The following SDK2 variants were observed in gnomAD, a reference collection of about 807,000 sequenced individuals.
SDK2 encodes protein sidekick-2.
Under a neutral mutation model 253.9 loss-of-function variants are expected in SDK2, and 105 were observed. The observed-to-expected ratio is 0.41, with a 90% CI of 0.35 to 0.49. The LOEUF (loss-of-function observed/expected upper bound fraction) is 0.49. SDK2 is among the 20% of genes least tolerant of loss of function. The pLI is 0.06. For missense variants in SDK2, 2,608 were observed against 3,003.0 expected, an observed-to-expected ratio of 0.87 and a Z score of 3.07; for synonymous variants, 1,249 against 1,234.9, an observed-to-expected ratio of 1.01 and a Z score of -0.24.
intron 1 of SDK2, among the ~76,000 whole-genome samples, chr17:73,615,011 G>A (rs75987429): frequency 6.6e-6 from 1 of 150,964 alleles, no homozygotes; most frequent in Non-Finnish European, 1.5e-5. Context: ...GTTTGTAAAG[G>A]CTGCTCCTAA....
chr17:73,567,244 C>T (rs1043839267), intron 1 of SDK2, among the ~76,000 whole-genome samples: 1 of 152,270 alleles, frequency 6.6e-6, no homozygotes, highest in African/African-American at 2.4e-5. Context: ...ATTCAGGGCT[C>T]CACTTCAGAG....
intron 1 of SDK2, among the ~76,000 whole-genome samples, chr17:73,588,409 A>AAAAAG (rs2045635943): frequency 6.8e-6 from 1 of 147,314 alleles, no homozygotes; most frequent in African/African-American, 2.5e-5. Flanking sequence ...AAAAAAAAAA[A>AAAAAG]AAAGAAAGAA....
Position 73,409,732 on chromosome 17 carries a change from G to A in SDK2, c.2484+4912C>T, listed in dbSNP as rs547605003. 7.8e-4 allele frequency among the ~76,000 whole-genome samples: 119 copies of A among 152,238 alleles called. 1 individual carries two copies. Among genetic ancestry groups the A allele is most frequent in the Non-Finnish European group, 5.0e-4 (34 of 68,030 alleles). On this transcript the variant is annotated intron_variant, in intron 18 of 44. Coordinates refer to ENST00000392650, the MANE Select transcript of SDK2 (RefSeq NM_001144952.2). ...TGCTTTTTTCTCCTTGTGATATGCT[G>A]AAGGCTAAAGAAGCAGAGGAAAAAA...
chr17:73,525,610 C>T (rs1166690306), intron 1 of SDK2, among the ~76,000 whole-genome samples: 1 of 152,096 alleles, frequency 6.6e-6, no homozygotes, highest in Non-Finnish European at 1.5e-5. Flanking sequence ...CCTCACTGCA[C>T]CACCACCTCC....
intron 38 of SDK2, among the ~76,000 whole-genome samples, chr17:73,364,555 A>G (rs1423956692): frequency 6.6e-6 from 1 of 152,092 alleles, no homozygotes; most frequent in East Asian, 1.9e-4. Flanking sequence ...AACCCACAGT[A>G]AAGCTGAGAA....
chr17:73,580,157 G>A (rs1331567980), intron 1 of SDK2, among the ~76,000 whole-genome samples: 4 of 152,108 alleles, frequency 2.6e-5, no homozygotes, highest in Non-Finnish European at 5.9e-5. Context: ...TTCTGTTATG[G>A]CCATCCTAGC....
intron 36 of SDK2, chr17:73,369,089 C>A (rs2062712490): frequency 2.2e-6 from 1 of 447,084 alleles, no homozygotes; most frequent in South Asian, 1.6e-5. Flanking sequence ...AGACCCTGGT[C>A]TCTGCCAGAC....
intron 1 of SDK2, among the ~76,000 whole-genome samples, chr17:73,510,075 G>A (rs1270260586): frequency 6.6e-6 from 1 of 151,832 alleles, no homozygotes; most frequent in African/African-American, 2.4e-5. Context: ...TGCACCCCAG[G>A]CTGGAGCATA....
chr17:73,353,876 G>GT (rs1031419148), intron 40 of SDK2, among the ~76,000 whole-genome samples: 20 of 149,988 alleles, frequency 1.3e-4, no homozygotes, highest in African/African-American at 4.9e-4. Flanking sequence ...GCTAAATTTT[G>GT]TATTTTTTAG....
rs886082947 is a variant in SDK2 at position 73,534,035 on chromosome 17, G to C, written c.65-26438C>G. On this transcript the variant is annotated intron_variant, in intron 1 of 44. Coordinates refer to ENST00000392650, the MANE Select transcript of SDK2 (RefSeq NM_001144952.2). The surrounding 1 kb of genome is among the most constrained non-coding windows in gnomAD (Gnocchi z 4.9). ...TGCAGCCAAGACGCCATTCTGCTCC[G>C]CCTGCTCCCTGCTCCTCCTCCTCCT... is the stretch of plus-strand genomic sequence containing the variant. Among the ~76,000 whole-genome samples, 1 of 151,960 alleles carries C rather than the reference G, an allele frequency of 6.6e-6. No homozygotes were observed. The highest frequency in any genetic ancestry group is 2.4e-5 in the African/African-American group (1 of 41,348).
In SDK2 at chr17:73,377,525, C is replaced by A. The variant is rs149346847; in HGVS notation, c.4980+1652G>T. Among the ~76,000 whole-genome samples, 11 of 151,054 alleles carry A rather than the reference C, an allele frequency of 7.3e-5. No individual in the cohort carries two copies. In the East Asian group the frequency reaches 2.2e-3, roughly 30 times the overall value. On this transcript the variant is annotated intron_variant, in intron 36 of 44. Coordinates refer to ENST00000392650, the MANE Select transcript of SDK2 (RefSeq NM_001144952.2). ...TAGGCCACCACACCTGGCCCATGTT[C>A]CTTTTTAAATCTACTTCCCCTAGTG...
At chr17:73,558,821 C>T (rs2045184666) in intron 1 of SDK2, among the ~76,000 whole-genome samples, 1 of 152,168 alleles carries the variant, frequency 6.6e-6, no homozygotes, top group South Asian at 2.1e-4. Flanking sequence ...CAACCCTCCC[C>T]CTAGATAGGA....
rs1017310342 is a variant in SDK2 at position 73,612,974 on chromosome 17, G to A, written c.64+31051C>T. On this transcript the variant is annotated intron_variant, in intron 1 of 44. Transcript: ENST00000392650. This position sits in a 1 kb window ranked among gnomAD's most constrained non-coding sequence, Gnocchi z 4.4. ...ATAATAGCAGCCTACCAGATGTTTA[G>A]TATACACCAGGCTCTGTGCGACATG... Among the ~76,000 whole-genome samples, 7 of 152,086 alleles carry A rather than the reference G, an allele frequency of 4.6e-5. No homozygotes were observed. The highest frequency in any genetic ancestry group is 1.7e-4 in the African/African-American group (7 of 41,378).
At chr17:73,421,494 G>A (rs1470159433) in intron 15 of SDK2, among the ~76,000 whole-genome samples, 2 of 150,450 alleles carry the variant, frequency 1.3e-5, no homozygotes, top group Non-Finnish European at 3.0e-5. Context: ...GGAGAGGATA[G>A]AATTCTCCTT....
intron 1 of SDK2, among the ~76,000 whole-genome samples, chr17:73,590,192 C>T (rs528634478): frequency 9.2e-5 from 14 of 152,268 alleles, no homozygotes; most frequent in East Asian, 3.9e-4. Flanking sequence ...GAGAATTGGA[C>T]GGCTGTCTGC....
chr17:73,564,293 A>T lies in SDK2; in HGVS notation c.65-56696T>A, dbSNP rs547079654. ...TAGTGACTACCATGTTGGGCAGCAC[A>T]GACAACAGAATACTTCTATCACTAC... is the stretch of plus-strand genomic sequence containing the variant. On this transcript the variant is annotated intron_variant, in intron 1 of 44. Transcript: ENST00000392650. Among the ~76,000 whole-genome samples the T allele has an allele frequency of 5.9e-5, 9 of 152,362 alleles. No individual in the cohort carries two copies. In the South Asian group the frequency reaches 1.0e-3, roughly 18 times the overall value.
chr17:73,363,315 C>T (rs1371422281), intron 38 of SDK2, among the ~76,000 whole-genome samples: 1 of 152,218 alleles, frequency 6.6e-6, no homozygotes, highest in Admixed American at 6.5e-5. Flanking sequence ...AGGTGATCCA[C>T]CGCCTCGGCC....
rs7224325 is a variant in SDK2 at position 73,389,329 on chromosome 17, A to T, written c.4192+958T>A. ...CTTCCAAGTAGCTGGGGTTACTGACATGTGCCACCATGCCCAGCTAATTTT... is the reference window on the plus strand; with the variant it reads ...CTTCCAAGTAGCTGGGGTTACTGACTTGTGCCACCATGCCCAGCTAATTTT... On this transcript the variant is annotated intron_variant, in intron 29 of 44. Transcript: ENST00000392650. 2.1e-5 allele frequency among the ~76,000 whole-genome samples: 3 copies of T among 146,228 alleles called. No homozygotes were observed. The East Asian group carries it at 5.9e-4, about 29-fold the overall frequency.
Position 73,635,045 on chromosome 17 carries a change from G to A in SDK2, c.64+8980C>T, listed in dbSNP as rs1196685665. 4.0e-5 allele frequency among the ~76,000 whole-genome samples: 6 copies of A among 151,768 alleles called. No individual in the cohort carries two copies. In the East Asian group the frequency reaches 9.7e-4, roughly 24 times the overall value. On this transcript the variant is annotated intron_variant, in intron 1 of 44. Coordinates refer to ENST00000392650, the MANE Select transcript of SDK2 (RefSeq NM_001144952.2). ...CTGTACCCCAGGCTGGAGTGCAGTG[G>A]CGCCATCTCAGATCACAGCAACCTT...
Sources: allele counts gnomAD v4.1 joint callset (sites outside exome capture counted in the v4.1 genomes callset), GRCh38; gene constraint gnomAD v4.1.1; non-coding constraint Gnocchi (gnomAD v3.1); transcripts MANE v1.5; gene names NCBI Gene and HGNC (gene_info 2026-07-23, HGNC 2026-07-21).